The following CPLANE1 variants were observed in gnomAD, a reference collection of about 807,000 sequenced individuals.
The protein encoded by CPLANE1 is ciliogenesis and planar polarity effector complex subunit 1.
In CPLANE1, 263 loss-of-function variants were observed where a neutral mutation model predicts 362.5. The observed-to-expected ratio is 0.73, with a 90% confidence interval of 0.66 to 0.80. The LOEUF is 0.80. CPLANE1 is among the 30% of genes least tolerant of loss of function. CPLANE1 has a pLI of 0.00. For missense variants in CPLANE1, 3,461 were observed against 3,793.4 expected (o/e 0.91, Z 2.30); for synonymous variants, 1,212 against 1,302.6 (o/e 0.93, Z 1.50).
chr5:37,121,647 G>C lies in CPLANE1; in HGVS notation c.9155C>G (p.Ser3052Cys), dbSNP rs557372169. 6.5e-5 allele frequency: 105 copies of C among 1,614,170 alleles called. 1 individual carries two copies. In the East Asian group the frequency reaches 2.2e-3, roughly 34 times the overall value. ...TGGAGAAGGGCAGTGTTGACAACTGGAAGACTGAGTAGGGCTGGGTTTGTT... is the reference window on the plus strand; with the variant it reads ...TGGAGAAGGGCAGTGTTGACAACTGCAAGACTGAGTAGGGCTGGGTTTGTT... Reference protein sequence around the residue: ...LPNKPSPTQSSSCQHCPSPRG... With the variant: ...LPNKPSPTQSCSCQHCPSPRG... Residue 3052 changes from serine (S) to cysteine (C), a missense_variant, in exon 49 of 53, where the codon TCC (serine) becomes TGC (cysteine). This residue lies in a region of CPLANE1 where 3,380 missense variants were observed against 3,666.1 expected (regional missense o/e 0.92). Transcript: ENST00000651892.
chr5:37,103,740 T>C (rs372958054), downstream of CPLANE1, among the ~76,000 whole-genome samples: 6 of 152,260 alleles, frequency 3.9e-5, no homozygotes, highest in African/African-American at 1.4e-4. Context: ...AGATATGATG[T>C]TAGTCTGATG....
chr5:37,174,006 A>G (rs1052187642), intron 31 of CPLANE1, 59 bp from the exon 32 acceptor site: 3 of 1,353,902 alleles, frequency 2.2e-6, no homozygotes, highest in Non-Finnish European at 3.1e-6. Context: ...AACAAATTGA[A>G]TGTCTATGAT....
At chr5:37,198,583 A>T (rs1237071034) in intron 20 of CPLANE1, 119 bp downstream of exon 20, 2 of 966,508 alleles carry the variant, frequency 2.1e-6, no homozygotes, top group Non-Finnish European at 3.0e-6. Context: ...AATAAATCTG[A>T]AATTTGTGGA....
At chr5:37,235,989 C>A (rs961582950) in intron 8 of CPLANE1, among the ~76,000 whole-genome samples, 1 of 151,690 alleles carries the variant, frequency 6.6e-6, no homozygotes, top group Admixed American at 6.6e-5. Flanking sequence ...CTTGCCTCAG[C>A]CTCTTCAGTA....
intron 27 of CPLANE1, among the ~76,000 whole-genome samples, 193 bp downstream of exon 27, chr5:37,180,664 T>C (rs539613015): frequency 1.3e-5 from 2 of 152,194 alleles, no homozygotes; most frequent in Admixed American, 6.5e-5. Context: ...TCAGAAGATA[T>C]AAGCTAGACC....
In CPLANE1 at chr5:37,169,382, T is replaced by C. The variant is rs774567768; in HGVS notation, c.6642A>G (p.Pro2214=). ...SVVQKAPRLI[P]HAKTFSPGDG... is the part of the protein sequence containing the mutation. Reference sequence around the variant, plus strand: ...CACCAGGACTAAATGTTTTTGCATGTGGGATAAGTCTAGGTGCCTTCTGAA... The same window carrying C: ...CACCAGGACTAAATGTTTTTGCATGCGGGATAAGTCTAGGTGCCTTCTGAA... The change falls in exon 34 of 53, where the codon CCA becomes CCG. Residue 2214 remains proline (P), a synonymous_variant. Coordinates refer to ENST00000651892, the MANE Select transcript of CPLANE1 (RefSeq NM_001384732.1). 1.9e-6 allele frequency: 3 copies of C among 1,614,176 alleles called. No homozygotes were observed. The highest frequency in any genetic ancestry group is 2.5e-6 in the Non-Finnish European group (3 of 1,180,034).
chr5:37,205,572 A>G, intron 17 of CPLANE1, 118 bp from the exon 18 acceptor site: 1 of 669,250 alleles, frequency 1.5e-6, no homozygotes, highest in South Asian at 2.4e-5. Context: ...TTTTTTATCT[A>G]TCGTACATGT....
At chr5:37,099,464 G>A in the CPLANE1 span, among the ~76,000 whole-genome samples, 1 of 152,166 alleles carries the variant, frequency 6.6e-6, no homozygotes, top group African/African-American at 2.4e-5. Flanking sequence ...TCCTGCAAAG[G>A]ACATGATCTC....
rs562993452 is a variant in CPLANE1 at position 37,222,982 on chromosome 5, C to T, written c.2581+1271G>A. Among the ~76,000 whole-genome samples, 4 of 152,330 alleles carry T rather than the reference C, an allele frequency of 2.6e-5. No individual in the cohort carries two copies. The East Asian group carries it at 7.7e-4, about 29-fold the overall frequency. The stretch of plus-strand genomic sequence containing the variant: ...CTTATTTGTACAAGTCCCTTTCCTA[C>T]CTAAAGTGTCTTAACTGATTCCACT... On this transcript the variant is annotated intron_variant, in intron 14 of 52. Transcript: ENST00000651892.
the CPLANE1 span, among the ~76,000 whole-genome samples, chr5:37,096,527 A>G: frequency 1.9e-4 from 29 of 152,332 alleles, 1 homozygote; most frequent in South Asian, 1.9e-3. Context: ...ACCTAAAAGC[A>G]AATACAATAA....
rs1795996375 is a variant in CPLANE1 at position 37,224,323 on chromosome 5, A to T, written c.2511T>A (p.Cys837Ter). ...ACTTTTCATATGATCCTAATAAAAAACATTCTTCCCCTAGAAAGTTTTTAA... is the reference window on the plus strand; with the variant it reads ...ACTTTTCATATGATCCTAATAAAAATCATTCTTCCCCTAGAAAGTTTTTAA... The part of the protein sequence containing the change: ...LELKSINGEE[C>*]FLLGSYEKSV... The change falls in exon 14 of 53, where the codon TGT becomes TGA. Residue 837 changes from cysteine to a stop codon, truncating the protein, a stop_gained. Coordinates refer to ENST00000651892, the MANE Select transcript of CPLANE1 (RefSeq NM_001384732.1). LOFTEE classifies it high-confidence loss of function. 4.5e-6 allele frequency: 7 copies of T among 1,545,998 alleles called. No individual in the cohort carries two copies. The highest frequency in any genetic ancestry group is 6.1e-6 in the Non-Finnish European group (7 of 1,144,536).
rs763943272 is a variant in CPLANE1, at chr5:37,142,518, T to C, written c.8462-38A>G. 1.7e-4 allele frequency: 224 copies of C among 1,312,008 alleles called. No individual in the cohort carries two copies. Among genetic ancestry groups the C allele is most frequent in the Non-Finnish European group, 2.0e-4 (201 of 983,478 alleles). 81.3% of individuals were successfully genotyped at this position (1,312,008 alleles called of 1,614,324 possible). On this transcript the variant is annotated intron_variant, in intron 43 of 52. Coordinates refer to ENST00000651892, the MANE Select transcript of CPLANE1 (RefSeq NM_001384732.1). ...ATATATTACAATTAAAATAAAATAGTAGAGGAAAAAAGATCACATGGAAAA... is the reference window on the plus strand; with the variant it reads ...ATATATTACAATTAAAATAAAATAGCAGAGGAAAAAAGATCACATGGAAAA...
At chr5:37,123,639 T>C (rs1173023939) in intron 47 of CPLANE1, among the ~76,000 whole-genome samples, 1 of 152,170 alleles carries the variant, frequency 6.6e-6, no homozygotes, top group African/African-American at 2.4e-5. Flanking sequence ...TCTTCTTACC[T>C]TGAGTAGTTA....
intron 50 of CPLANE1, among the ~76,000 whole-genome samples, chr5:37,118,256 A>C (rs958583807): frequency 1.3e-5 from 2 of 151,936 alleles, no homozygotes; most frequent in Non-Finnish European, 2.9e-5. Context: ...ATAAACAAAA[A>C]TTAGCTGGGC....
intron 42 of CPLANE1, among the ~76,000 whole-genome samples, chr5:37,152,254 G>A (rs1384635062): frequency 2.0e-5 from 3 of 151,874 alleles, no homozygotes; most frequent in Non-Finnish European, 1.5e-5. Flanking sequence ...ATAGCTTACT[G>A]CAGCCTTGAA....
At chr5:37,193,692 T>G (rs1786322329) in intron 21 of CPLANE1, among the ~76,000 whole-genome samples, 1 of 152,022 alleles carries the variant, frequency 6.6e-6, no homozygotes, top group Non-Finnish European at 1.5e-5. Context: ...AGTTAAAATC[T>G]ACTATTTTAG....
intron 16 of CPLANE1, chr5:37,211,121 T>C (rs953770591): frequency 1.8e-6 from 2 of 1,090,826 alleles, no homozygotes; most frequent in African/African-American, 1.5e-5. Flanking sequence ...GTGAGATAAG[T>C]GGGGATTTCT....
chr5:37,146,755 T>C (rs1301820957), intron 43 of CPLANE1, among the ~76,000 whole-genome samples: 1 of 152,072 alleles, frequency 6.6e-6, no homozygotes, highest in East Asian at 1.9e-4. Flanking sequence ...AGTTTGTTGT[T>C]GAGTATATGA....
At chr5:37,195,719 G>C in intron 21 of CPLANE1, 139 bp downstream of exon 21, 1 of 732,652 alleles carries the variant, frequency 1.4e-6, no homozygotes, top group Non-Finnish European at 2.1e-6. Flanking sequence ...ATACATAGCT[G>C]TTAAAGTACA....
Sources: allele counts gnomAD v4.1 joint callset (sites outside exome capture counted in the v4.1 genomes callset), GRCh38; gene constraint gnomAD v4.1.1; regional missense constraint gnomAD v4.1.1; transcripts MANE v1.5; gene names NCBI Gene and HGNC (gene_info 2026-07-23, HGNC 2026-07-21).